Variants in KCNK5 observed in about 807,000 individuals in gnomAD.
KCNK5 encodes the protein potassium channel subfamily K member 5.
A neutral mutation model predicts 32.9 loss-of-function variants in KCNK5; 18 were observed. The observed-to-expected ratio is 0.55, with a 90% CI of 0.38 to 0.81. KCNK5 has a LOEUF of 0.81. Among genes scored for constraint, KCNK5 ranks in the 30% least tolerant of loss-of-function variants. KCNK5 has a pLI of 0.00. For synonymous variants in KCNK5, 276 were observed against 275.3 expected (o/e 1.00, Z -0.03); for missense variants, 507 against 651.0 (o/e 0.78, Z 2.41).
In KCNK5 at chr6:39,191,666, CA is replaced by C. The variant is rs1290492284; in HGVS notation, c.723del (p.Phe241LeufsTer6). 1 of 1,613,842 alleles carries C rather than the reference CA, an allele frequency of 6.2e-7. No individual in the cohort carries two copies. The highest frequency in any genetic ancestry group is 1.3e-5 in the African/African-American group (1 of 74,848). Reference protein sequence around the residue: ...IYLGLAWLSLFVNWKVSMFVE... With the variant: ...IYLGLAWLSLXVNWKVSMFVE... ...ACAAACATGCTCACCTTCCAGTTGA[CA>C]AAAAGGGACAGCCAGGCCAGCCCCA... On this transcript the variant is annotated frameshift_variant, in exon 5 of 5. Coordinates refer to ENST00000359534, the MANE Select transcript of KCNK5 (RefSeq NM_003740.4). LOFTEE classifies it high-confidence loss of function. This position sits in a 1 kb window ranked among gnomAD's most constrained non-coding sequence, Gnocchi z 5.8.
rs1771728956 is a variant in KCNK5 at position 39,229,309 on chromosome 6, G to A, written c.-198C>T. 4.5e-6 allele frequency: 3 copies of A among 660,252 alleles called. No individual in the cohort carries two copies. The highest frequency in any genetic ancestry group is 5.1e-6 in the Non-Finnish European group (2 of 395,522). The allele number at this position is 660,252 out of a possible 1,614,324, so 40.9% of individuals were successfully genotyped here. The stretch of plus-strand genomic sequence containing the variant: ...TGGCCCACGGAGTGCGGGGAGCTGC[G>A]TGGGGCCCCACTCACGCGGCCCGGG... On this transcript the variant is annotated 5_prime_UTR_variant, in exon 1 of 5. It adds an upstream start codon to the 5' untranslated region. Coordinates refer to ENST00000359534, the MANE Select transcript of KCNK5 (RefSeq NM_003740.4).
At chr6:39,211,059 C>T (rs1771328499) in intron 1 of KCNK5, among the ~76,000 whole-genome samples, 1 of 152,130 alleles carries the variant, frequency 6.6e-6, no homozygotes, top group African/African-American at 2.4e-5. Context: ...TTTAGCCGTC[C>T]CCTTCTTCCA....
chr6:39,222,709 C>T (rs1771575872), intron 1 of KCNK5, among the ~76,000 whole-genome samples: 1 of 152,202 alleles, frequency 6.6e-6, no homozygotes, highest in Non-Finnish European at 1.5e-5. Context: ...AGTAGGAGCA[C>T]TGCATCACTC....
Position 39,190,737 on chromosome 6 carries a change from G to C in KCNK5, c.*153C>G, listed in dbSNP as rs1770906036. 1 of 674,532 alleles carries C rather than the reference G, an allele frequency of 1.5e-6. No individual in the cohort carries two copies. Among genetic ancestry groups the C allele is most frequent in the African/African-American group, 1.8e-5 (1 of 55,382 alleles). The allele number at this position is 674,532 out of a possible 1,614,324, so 41.8% of individuals were successfully genotyped here. ...CCCTGTCCCGGGCATACATCTAGCT[G>C]AGGATGATGGAAGGTTAGGAAGGCC... On this transcript the variant is annotated 3_prime_UTR_variant, in exon 5 of 5. Transcript: ENST00000359534.
intron 1 of KCNK5, among the ~76,000 whole-genome samples, chr6:39,224,886 G>C (rs959925305): frequency 2.6e-5 from 4 of 151,826 alleles, no homozygotes; most frequent in African/African-American, 9.7e-5. Flanking sequence ...TTACCAGTTA[G>C]GTTTTTTTTT....
chr6:39,203,942 T>A (rs1771175665), intron 1 of KCNK5, among the ~76,000 whole-genome samples: 1 of 152,182 alleles, frequency 6.6e-6, no homozygotes, highest in Non-Finnish European at 1.5e-5. Flanking sequence ...CCGGGTCAGG[T>A]GACCAGGGTG....
chr6:39,210,758 T>C (rs1435759076), intron 1 of KCNK5, among the ~76,000 whole-genome samples: 1 of 152,118 alleles, frequency 6.6e-6, no homozygotes, highest in African/African-American at 2.4e-5. Context: ...CAGCAGAAGA[T>C]GGCAGAGAAA....
chr6:39,194,677 T>A lies in KCNK5; in HGVS notation c.382A>T (p.Thr128Ser). ...AACTTGCCCAGGGCACTGATCCACG[T>A]CAGGCAGAGCGGCACCCCGAAGAGA... Reference protein sequence around the residue: ...YGLFGVPLCLTWISALGKFFG... With the variant: ...YGLFGVPLCLSWISALGKFFG... Residue 128 changes from threonine to serine, a missense_variant, in exon 3 of 5, where the codon ACG becomes TCG. Physicochemically the swap from Thr to Ser is moderately conservative, Grantham distance 58. Coordinates refer to ENST00000359534, the MANE Select transcript of KCNK5 (RefSeq NM_003740.4). The surrounding 1 kb of genome is among the most constrained non-coding windows in gnomAD (Gnocchi z 4.7). The A allele has an allele frequency of 6.2e-7, 1 of 1,613,976 alleles. No homozygotes were observed. The highest frequency in any genetic ancestry group is 8.5e-7 in the Non-Finnish European group (1 of 1,179,988).
At chr6:39,212,317 T>C (rs978861055) in intron 1 of KCNK5, among the ~76,000 whole-genome samples, 1 of 152,154 alleles carries the variant, frequency 6.6e-6, no homozygotes, top group Non-Finnish European at 1.5e-5. Context: ...GCAGGCGTAA[T>C]GATTAGTAAT....
At chr6:39,206,572 G>A (rs989291542) in intron 1 of KCNK5, among the ~76,000 whole-genome samples, 6 of 152,148 alleles carry the variant, frequency 3.9e-5, no homozygotes, top group African/African-American at 1.4e-4. Flanking sequence ...GCTGCCCCTC[G>A]CGTGCTGGCC....
intron 4 of KCNK5, among the ~76,000 whole-genome samples, chr6:39,193,028 A>G (rs1338850539): frequency 1.3e-5 from 2 of 152,206 alleles, no homozygotes; most frequent in African/African-American, 2.4e-5. Context: ...TTTCATGATG[A>G]CAGTAATGAG....
rs567943654 is a variant in KCNK5, at chr6:39,192,900, C to T, written c.635-1145G>A. 3.9e-5 allele frequency among the ~76,000 whole-genome samples: 6 copies of T among 152,290 alleles called. No homozygotes were observed. The South Asian group carries it at 1.2e-3, about 32-fold the overall frequency. On this transcript the variant is annotated intron_variant, in intron 4 of 4. Coordinates refer to ENST00000359534, the MANE Select transcript of KCNK5 (RefSeq NM_003740.4). Reference sequence around the variant, plus strand: ...GAAGGGGGCTACCTCTCTCATCAGACTAGAGGTTCCTCCAGGTGCTGTAGC... The same window carrying T: ...GAAGGGGGCTACCTCTCTCATCAGATTAGAGGTTCCTCCAGGTGCTGTAGC...
intron 1 of KCNK5, among the ~76,000 whole-genome samples, chr6:39,224,689 C>T (rs1317337194): frequency 6.6e-6 from 1 of 152,156 alleles, no homozygotes; most frequent in African/African-American, 2.4e-5. Flanking sequence ...GCTATATGAG[C>T]AGTCAAGCAA....
At chr6:39,216,417 C>T (rs533394642) in intron 1 of KCNK5, among the ~76,000 whole-genome samples, 13 of 152,310 alleles carry the variant, frequency 8.5e-5, no homozygotes, top group South Asian at 8.3e-4. Context: ...CCAGCTAACA[C>T]GCGCACGGGG....
intron 1 of KCNK5, among the ~76,000 whole-genome samples, chr6:39,220,281 G>A (rs1771521590): frequency 6.6e-6 from 1 of 152,240 alleles, no homozygotes; most frequent in Admixed American, 6.5e-5. Flanking sequence ...TGGGGCACGG[G>A]AGGTGACAAC....
intron 1 of KCNK5, among the ~76,000 whole-genome samples, chr6:39,216,951 G>A (rs549309951): frequency 9.0e-4 from 136 of 151,796 alleles, no homozygotes; most frequent in Admixed American, 2.6e-3. Context: ...GAGAAACCCC[G>A]TCTCTACTAA....
chr6:39,194,584 G>T lies in KCNK5; in HGVS notation c.465+10C>A. The stretch of plus-strand genomic sequence containing the variant: ...CCATCTCTGCCCAACACCCAGGGTA[G>T]GGGACATACCAGACTCACACCTCTC... On this transcript the variant is annotated intron_variant, in intron 3 of 4. Coordinates refer to ENST00000359534, the MANE Select transcript of KCNK5 (RefSeq NM_003740.4). This position sits in a 1 kb window ranked among gnomAD's most constrained non-coding sequence, Gnocchi z 4.7. 1 of 1,613,924 alleles carries T rather than the reference G, an allele frequency of 6.2e-7. No individual in the cohort carries two copies.
At chr6:39,205,537 C>T (rs1414207963) in intron 1 of KCNK5, among the ~76,000 whole-genome samples, 1 of 152,200 alleles carries the variant, frequency 6.6e-6, no homozygotes, top group Non-Finnish European at 1.5e-5. Context: ...TGGTCCTGTG[C>T]TGGTGTCTCT....
At chr6:39,202,465 G>C (rs1771147224) in intron 1 of KCNK5, among the ~76,000 whole-genome samples, 2 of 152,130 alleles carry the variant, frequency 1.3e-5, no homozygotes, top group Non-Finnish European at 1.5e-5. Context: ...GCAGGAGCTG[G>C]GGAAGGGGCA....
Sources: gnomAD v4.1 joint callset for allele counts (sites outside exome capture counted in the v4.1 genomes callset) on GRCh38, gnomAD v4.1.1 for gene constraint, Gnocchi (gnomAD v3.1) non-coding constraint, MANE v1.5 for transcripts, NCBI Gene and HGNC (gene_info 2026-07-23, HGNC 2026-07-21) for gene names.